The following ZCCHC7 variants were observed in gnomAD, a reference collection of about 807,000 sequenced individuals.
ZCCHC7 encodes zinc finger CCHC domain-containing protein 7.
A neutral mutation model predicts 52.0 loss-of-function variants in ZCCHC7; 35 were observed. That is an observed-to-expected ratio of 0.67 (90% CI 0.51 to 0.89). The LOEUF (loss-of-function observed/expected upper bound fraction) is 0.89. Among genes scored for constraint, ZCCHC7 ranks in the 40% least tolerant of loss-of-function variants. ZCCHC7 has a pLI of 0.00. For missense variants in ZCCHC7, 574 were observed against 649.1 expected (o/e 0.88, Z 1.26); for synonymous variants, 217 against 221.5 (o/e 0.98, Z 0.18).
intron 2 of ZCCHC7, among the ~76,000 whole-genome samples, chr9:37,206,402 G>C (rs1262664194): frequency 6.6e-6 from 1 of 151,526 alleles, no homozygotes; most frequent in African/African-American, 2.4e-5. Context: ...CTGTTGCCCA[G>C]GCTGGAGTGT....
At chr9:37,148,772 T>C (rs1371643604) in intron 2 of ZCCHC7, among the ~76,000 whole-genome samples, 1 of 152,156 alleles carries the variant, frequency 6.6e-6, no homozygotes, top group Non-Finnish European at 1.5e-5. Flanking sequence ...CTTAGGCTCA[T>C]TTCATGTTAC....
At chr9:37,208,244 G>A (rs187507739) in intron 2 of ZCCHC7, among the ~76,000 whole-genome samples, 113 of 152,112 alleles carry the variant, frequency 7.4e-4, no homozygotes, top group Non-Finnish European at 1.4e-3. Flanking sequence ...ACCACCACAC[G>A]CGGCTAATTT....
At chr9:37,197,057 T>G (rs1164188360) in intron 2 of ZCCHC7, among the ~76,000 whole-genome samples, 1 of 152,204 alleles carries the variant, frequency 6.6e-6, no homozygotes, top group African/African-American at 2.4e-5. Context: ...CTGTTTTAAG[T>G]TATTTGTGTG....
chr9:37,299,397 G>A (rs1828931836), intron 2 of ZCCHC7, among the ~76,000 whole-genome samples: 1 of 152,192 alleles, frequency 6.6e-6, no homozygotes, highest in South Asian at 2.1e-4. Context: ...CACCATGGAT[G>A]CCATTTATTC....
At chr9:37,177,636 A>G (rs538478362) in intron 2 of ZCCHC7, among the ~76,000 whole-genome samples, 3 of 152,368 alleles carry the variant, frequency 2.0e-5, no homozygotes, top group East Asian at 1.9e-4. Context: ...AGAGAACACA[A>G]TAAGACAGGC....
At chr9:37,224,704 G>A (rs927851334) in intron 2 of ZCCHC7, among the ~76,000 whole-genome samples, 2 of 152,192 alleles carry the variant, frequency 1.3e-5, no homozygotes, top group African/African-American at 2.4e-5. Context: ...GGAGGCCAAG[G>A]TGTCTAGAAT....
At chr9:37,261,732 T>C (rs1309705660) in intron 2 of ZCCHC7, among the ~76,000 whole-genome samples, 1 of 152,242 alleles carries the variant, frequency 6.6e-6, no homozygotes, top group Non-Finnish European at 1.5e-5. Context: ...AATTCCGTAA[T>C]TAAGCAATTA....
chr9:37,181,841 T>A (rs1157243137), intron 2 of ZCCHC7, among the ~76,000 whole-genome samples: 1 of 152,160 alleles, frequency 6.6e-6, no homozygotes, highest in African/African-American at 2.4e-5. Flanking sequence ...GATTTTTCTT[T>A]ATTTTTATAA....
chr9:37,134,087 G>A (rs985026104), intron 2 of ZCCHC7, among the ~76,000 whole-genome samples: 1 of 151,992 alleles, frequency 6.6e-6, no homozygotes, highest in Non-Finnish European at 1.5e-5. Context: ...CAAATTCCCG[G>A]TAATTCTTTC....
chr9:37,186,936 C>A, intron 2 of ZCCHC7: 1 of 309,368 alleles, frequency 3.2e-6, no homozygotes, highest in Non-Finnish European at 6.2e-6. Context: ...CTTTAAAAGG[C>A]AAGTGTATTT....
At chr9:37,199,687 T>C (rs1398467786) in intron 2 of ZCCHC7, among the ~76,000 whole-genome samples, 1 of 68,174 alleles carries the variant, frequency 1.5e-5, no homozygotes, top group African/African-American at 5.6e-5. Context: ...TGTCTGTCTG[T>C]CTTTCTGTCT....
At chr9:37,239,873 A>C (rs1320566767) in intron 2 of ZCCHC7, among the ~76,000 whole-genome samples, 1 of 152,146 alleles carries the variant, frequency 6.6e-6, no homozygotes, top group African/African-American at 2.4e-5. Flanking sequence ...TTTTAAACAA[A>C]GACTTTTTCT....
At chr9:37,231,194 C>T (rs1206103429) in intron 2 of ZCCHC7, among the ~76,000 whole-genome samples, 1 of 152,190 alleles carries the variant, frequency 6.6e-6, no homozygotes, top group Non-Finnish European at 1.5e-5. Context: ...GATCCACCCG[C>T]CTCAGCCTCC....
At chr9:37,141,646 C>T (rs1843231564) in intron 2 of ZCCHC7, among the ~76,000 whole-genome samples, 1 of 151,802 alleles carries the variant, frequency 6.6e-6, no homozygotes, top group Non-Finnish European at 1.5e-5. Flanking sequence ...GTAAGTGGTA[C>T]TGTTATAAAT....
At position 37,190,161 on chromosome 9, in the gene ZCCHC7, C is replaced by T. The variant is rs569937265; in HGVS notation, c.610+63219C>T. Reference sequence around the variant, plus strand: ...AATAAGCAAAAAGAATTCTTGCTACCCTCTTGATGATGAAGGTTTGTTCCC... The same window carrying T: ...AATAAGCAAAAAGAATTCTTGCTACTCTCTTGATGATGAAGGTTTGTTCCC... On this transcript the variant is annotated intron_variant, in intron 2 of 8. Coordinates refer to ENST00000336755, the MANE Select transcript of ZCCHC7 (RefSeq NM_032226.3). 4.6e-5 allele frequency among the ~76,000 whole-genome samples: 7 copies of T among 152,204 alleles called. No homozygotes were observed. In the South Asian group the frequency reaches 1.2e-3, roughly 27 times the overall value.
chr9:37,218,311 A>G (rs1054984207), intron 2 of ZCCHC7, among the ~76,000 whole-genome samples: 3 of 152,190 alleles, frequency 2.0e-5, no homozygotes, highest in Admixed American at 1.3e-4. Flanking sequence ...TATGAAGCAT[A>G]ATAAAGTGCT....
At chr9:37,244,130 C>T (rs1825986195) in intron 2 of ZCCHC7, among the ~76,000 whole-genome samples, 1 of 151,632 alleles carries the variant, frequency 6.6e-6, no homozygotes, top group Non-Finnish European at 1.5e-5. Flanking sequence ...TACAAACTTA[C>T]TCTTTTTGCT....
intron 2 of ZCCHC7, among the ~76,000 whole-genome samples, chr9:37,240,092 A>G (rs1825814851): frequency 6.6e-6 from 1 of 152,016 alleles, no homozygotes; most frequent in African/African-American, 2.4e-5. Context: ...CATCATTAGA[A>G]GGTTGTCTGT....
intron 2 of ZCCHC7, among the ~76,000 whole-genome samples, chr9:37,259,671 A>G (rs1826769022): frequency 6.6e-6 from 1 of 152,204 alleles, no homozygotes; most frequent in Non-Finnish European, 1.5e-5. Flanking sequence ...TCTACAAATC[A>G]GTTCTGTGTA....
Sources: allele counts gnomAD v4.1 joint callset (sites outside exome capture counted in the v4.1 genomes callset), GRCh38; gene constraint gnomAD v4.1.1; transcripts MANE v1.5; gene names NCBI Gene and HGNC (gene_info 2026-07-23, HGNC 2026-07-21).